KCNC4: variants seen among roughly 807,000 people sequenced by gnomAD.
The protein encoded by KCNC4 is voltage-gated potassium channel KCNC4.
In KCNC4, 23 loss-of-function variants were observed where a neutral mutation model predicts 42.8. The ratio of observed to expected loss-of-function variants is 0.54; its 90% CI spans 0.39 to 0.76. KCNC4 has a LOEUF of 0.76. KCNC4 is among the 30% of genes least tolerant of loss of function. The probability of loss-of-function intolerance (pLI) is 0.00; values close to 1 mark genes in which losing one functional copy is unlikely to be tolerated. For synonymous variants in KCNC4, 422 were observed against 393.5 expected, an observed-to-expected ratio of 1.07 and a Z score of -0.86; for missense variants, 751 against 898.2, an observed-to-expected ratio of 0.84 and a Z score of 2.10.
chr1:110,253,343 T>C (rs913497745), downstream of KCNC4, among the ~76,000 whole-genome samples: 24 of 152,280 alleles, frequency 1.6e-4, no homozygotes, highest in African/African-American at 5.5e-4. Context: ...TCATGAGAGA[T>C]GTCTCATTGC....
chr1:110,258,171 T>A (rs1571073978), intron 1 of KCNC4, among the ~76,000 whole-genome samples: 1 of 152,250 alleles, frequency 6.6e-6, no homozygotes, highest in African/African-American at 2.4e-5. Context: ...TAAATGGAGA[T>A]ACTATTCATA....
At chr1:110,236,359 T>C (rs1658906455), downstream of KCNC4, 1 of 152,250 alleles carries the variant, frequency 6.6e-6, no homozygotes, top group East Asian at 1.9e-4. Flanking sequence ...TCAGTCTGGC[T>C]CTGTGGGTCC....
In KCNC4 at chr1:110,210,414, C is replaced by T. The variant is rs1440193925; in HGVS notation, c.-1086C>T. On this transcript the variant is annotated 5_prime_UTR_variant, in exon 1 of 4. Coordinates refer to ENST00000438661, the MANE Select transcript of KCNC4 (RefSeq NM_001039574.3). ...GCGCCCCCTCCCCTATGCCACCTCG[C>T]GCCCGCCCCCTGCCGCGCGCGAGCC... 6.6e-6 allele frequency among the ~76,000 whole-genome samples: 1 copy of T among 151,650 alleles called. No homozygotes were observed. The highest frequency in any genetic ancestry group is 1.5e-5 in the Non-Finnish European group (1 of 67,840).
chr1:110,223,556 C>T lies in KCNC4; in HGVS notation c.1271C>T (p.Pro424Leu). The change falls in exon 2 of 4, where the codon CCC becomes CTC. Residue 424 changes from proline to leucine, a missense_variant. Coordinates refer to ENST00000438661, the MANE Select transcript of KCNC4 (RefSeq NM_001039574.3). This position sits in a 1 kb window ranked among gnomAD's most constrained non-coding sequence, Gnocchi z 7.5. ...GACCACACCGACTTCAAGAACATCC[C>T]CATTGGCTTCTGGTGGGCTGTGGTC... is the stretch of plus-strand genomic sequence containing the variant. ...GNDHTDFKNIPIGFWWAVVTM... is the reference protein window; with the variant it reads ...GNDHTDFKNILIGFWWAVVTM... 2 of 1,614,030 alleles carry T rather than the reference C, an allele frequency of 1.2e-6. No homozygotes were observed. The highest frequency in any genetic ancestry group is 1.7e-6 in the Non-Finnish European group (2 of 1,180,044).
intron 1 of KCNC4, among the ~76,000 whole-genome samples, chr1:110,257,159 T>C (rs1571073287): frequency 6.6e-6 from 1 of 152,204 alleles, no homozygotes; most frequent in South Asian, 2.1e-4. Flanking sequence ...TAAACAGTTA[T>C]GGGTTGGGAG....
At chr1:110,217,514 G>A (rs908773277) in intron 1 of KCNC4, among the ~76,000 whole-genome samples, 1 of 152,188 alleles carries the variant, frequency 6.6e-6, no homozygotes, top group African/African-American at 2.4e-5. Context: ...TGTGGGGCCT[G>A]GGTGGGCAAT....
Position 110,223,127 on chromosome 1 carries a change from T to C in KCNC4, c.842T>C (p.Leu281Pro). Residue 281 changes from leucine (L) to proline (P), a missense_variant, in exon 2 of 4, where the codon CTG (leucine) becomes CCG (proline). By Grantham distance (98) the Leu-to-Pro change is moderately conservative. This residue lies in a region of KCNC4 where 181 missense variants were observed against 167.3 expected (regional missense o/e 1.08). Coordinates refer to ENST00000438661, the MANE Select transcript of KCNC4 (RefSeq NM_001039574.3). The surrounding 1 kb of genome is among the most constrained non-coding windows in gnomAD (Gnocchi z 7.5). ...FRREVETEPI[L>P]TYIEGVCVLW... ...CGGGAGGTAGAGACAGAGCCCATCC[T>C]GACCTACATCGAGGGCGTATGTGTG... 1 of 1,614,234 alleles carries C rather than the reference T, an allele frequency of 6.2e-7. No individual in the cohort carries two copies. Among genetic ancestry groups the C allele is most frequent in the South Asian group, 1.1e-5 (1 of 91,090 alleles).
downstream of KCNC4, among the ~76,000 whole-genome samples, chr1:110,249,846 T>G (rs1309865404): frequency 1.3e-5 from 2 of 152,178 alleles, no homozygotes; most frequent in African/African-American, 4.8e-5. Flanking sequence ...TCTCCAGAAC[T>G]CTTTCTGTCT....
At chr1:110,235,835 G>A (rs1658893169), downstream of KCNC4, 2 of 152,214 alleles carry the variant, frequency 1.3e-5, no homozygotes, top group Non-Finnish European at 2.9e-5. Flanking sequence ...GCAGACTTGG[G>A]TTTGAGTCCT....
intron 1 of KCNC4, among the ~76,000 whole-genome samples, chr1:110,278,846 A>G (rs928354699): frequency 6.6e-6 from 1 of 152,162 alleles, no homozygotes; most frequent in Non-Finnish European, 1.5e-5. Context: ...ATCACTTGTC[A>G]CTGGGCTTTT....
rs534864476 is a variant in KCNC4, at chr1:110,243,140, A to G, written c.*10831A>G. 6.6e-5 allele frequency: 10 copies of G among 152,354 alleles called. No homozygotes were observed. The East Asian group carries it at 1.2e-3, about 18-fold the overall frequency. The allele number at this position is 152,354 out of a possible 1,614,324, so 9.4% of individuals were successfully genotyped here. ...CAGTGCTCAGTGTGTGTCCTTCCCT[A>G]TTGACACTGACAGACCCTGCCTGGC... On this transcript the variant is annotated 3_prime_UTR_variant, in exon 4 of 4. Coordinates refer to the KCNC4 transcript ENST00000369787.
chr1:110,254,097 G>GGC (rs1553216661), downstream of KCNC4, among the ~76,000 whole-genome samples: 5 of 135,672 alleles, frequency 3.7e-5, no homozygotes, highest in Non-Finnish European at 6.6e-5. Context: ...AGTCGGGGGG[G>GGC]GGGCGGCGTT....
chr1:110,242,063 A>G (rs1311657741), exon 4 of KCNC4: 1 of 152,120 alleles, frequency 6.6e-6, no homozygotes, highest in Non-Finnish European at 1.5e-5. Flanking sequence ...ATTATCCGGG[A>G]TGCTGGACCT....
chr1:110,223,481 TCTA>T lies in KCNC4; in HGVS notation c.1201_1203del (p.Tyr401del), dbSNP rs1308387508. 2 of 1,613,790 alleles carry T rather than the reference TCTA, an allele frequency of 1.2e-6. No homozygotes were observed. The highest frequency in any genetic ancestry group is 2.2e-5 in the East Asian group (1 of 44,866). On this transcript the variant is annotated inframe_deletion, in exon 2 of 4. Coordinates refer to ENST00000438661, the MANE Select transcript of KCNC4 (RefSeq NM_001039574.3). The surrounding 1 kb of genome is among the most constrained non-coding windows in gnomAD (Gnocchi z 7.5). ...GGTGTGCTCATCTTTGCCACCATGA[TCTA>T]CTACGCTGAGCGCATTGGGGCCAGG... is the stretch of plus-strand genomic sequence containing the variant.
intron 3 of KCNC4, chr1:110,226,456 C>T (rs779817355): frequency 1.7e-4 from 85 of 485,992 alleles, no homozygotes; most frequent in Non-Finnish European, 2.8e-4. Context: ...GTCCCTGCCC[C>T]GTGCTTCCAT....
chr1:110,236,636 AC>A (rs1658914006), downstream of KCNC4: 1 of 152,188 alleles, frequency 6.6e-6, no homozygotes, highest in Admixed American at 6.5e-5. Context: ...GCAGCAGGCA[AC>A]ACCCAGCTCA....
At chr1:110,281,208 G>T (rs928274229) in intron 1 of KCNC4, among the ~76,000 whole-genome samples, 1 of 152,172 alleles carries the variant, frequency 6.6e-6, no homozygotes, top group East Asian at 1.9e-4. Context: ...GAGCGGGGAA[G>T]GGGGACTGAG....
At chr1:110,268,032 A>G (rs1389395966) in intron 1 of KCNC4, among the ~76,000 whole-genome samples, 5 of 152,236 alleles carry the variant, frequency 3.3e-5, no homozygotes, top group African/African-American at 1.2e-4. Context: ...GAGTCATGTA[A>G]GCAGGGGTCA....
chr1:110,211,324 C>T lies in KCNC4; in HGVS notation c.-176C>T, dbSNP rs1460696656. 3.2e-5 allele frequency: 30 copies of T among 934,288 alleles called. No individual in the cohort carries two copies. The South Asian group carries it at 3.7e-4, about 11-fold the overall frequency. 57.9% of individuals were successfully genotyped at this position (934,288 alleles called of 1,614,324 possible). A position where few individuals can be genotyped will look rare whatever the true frequency, so the allele number is the denominator to read the frequency against. ...ACCTGTGTACCGGAGAAATCCAACT[C>T]CTCCCGCTCCGCGTCCTAGGGGGAT... is the stretch of plus-strand genomic sequence containing the variant. On this transcript the variant is annotated 5_prime_UTR_variant, in exon 1 of 4. Transcript: ENST00000438661. This position sits in a 1 kb window ranked among gnomAD's most constrained non-coding sequence, Gnocchi z 6.5.
Sources: gnomAD v4.1 joint callset for allele counts (sites outside exome capture counted in the v4.1 genomes callset) on GRCh38, gnomAD v4.1.1 for gene constraint, gnomAD v4.1.1 regional missense constraint, Gnocchi (gnomAD v3.1) non-coding constraint, MANE v1.5 for transcripts, NCBI Gene and HGNC (gene_info 2026-07-23, HGNC 2026-07-21) for gene names.